Variants in CENPI observed in about 807,000 individuals in gnomAD.
CENPI encodes centromere protein I, also known as FSH primary response 1.
In CENPI, 4 loss-of-function variants were observed where a neutral mutation model predicts 60.4. The ratio of observed to expected loss-of-function variants is 0.07; its 90% CI spans 0.03 to 0.15. CENPI has a LOEUF of 0.15. Ranked by LOEUF, CENPI falls within the 10% of genes least tolerant of loss-of-function variation. The pLI is 1.00. For synonymous variants in CENPI, 157 were observed against 189.4 expected, an observed-to-expected ratio of 0.83 and a Z score of 1.40; for missense variants, 444 against 534.5, an observed-to-expected ratio of 0.83 and a Z score of 1.67.
At chrX:101,115,013 G>A (rs1244387692) in intron 6 of CENPI, among the ~76,000 whole-genome samples, 1 of 108,827 alleles carries the variant, frequency 9.2e-6, no homozygotes, top group Non-Finnish European at 1.9e-5. Context: ...ACCCAGGCTG[G>A]AGTGCAATGA....
At chrX:101,168,416 A>G (rs12014299), downstream of CENPI, among the ~76,000 whole-genome samples, 13,800 of 111,260 alleles carry the variant, frequency 0.12, 646 homozygotes, top group African/African-American at 0.14. Context: ...AAATGCAAAA[A>G]TTAGCTGAGC....
At chrX:101,105,368 C>CA (rs1181832778) in intron 4 of CENPI, among the ~76,000 whole-genome samples, 12 of 110,484 alleles carry the variant, frequency 1.1e-4, no homozygotes, top group African/African-American at 3.6e-4. Context: ...CCTAAAAATA[C>CA]AAAAAATTAG....
At chrX:101,162,223 A>T (rs1432307397) in intron 21 of CENPI, among the ~76,000 whole-genome samples, 2 of 109,334 alleles carry the variant, frequency 1.8e-5, no homozygotes, top group Non-Finnish European at 3.8e-5. Flanking sequence ...TACAGATGTG[A>T]GCCCCCGCAC....
downstream of CENPI, among the ~76,000 whole-genome samples, chrX:101,166,345 G>A (rs1409823310): frequency 1.8e-5 from 2 of 111,812 alleles, no homozygotes; most frequent in African/African-American, 6.5e-5. Flanking sequence ...TGGTAGAGAT[G>A]GGGTTTCATC....
intron 15 of CENPI, among the ~76,000 whole-genome samples, chrX:101,135,703 C>T (rs2089839769): frequency 9.0e-6 from 1 of 111,583 alleles, no homozygotes; most frequent in Non-Finnish European, 1.9e-5. Context: ...AATAGAAGAT[C>T]CATTTGATTT....
intron 15 of CENPI, among the ~76,000 whole-genome samples, chrX:101,138,377 C>T (rs769763656): frequency 1.9e-5 from 2 of 106,736 alleles, no homozygotes; most frequent in East Asian, 5.9e-4. Context: ...CTCACTCTGT[C>T]GCCAGGATGG....
At position 101,158,662 on chromosome X, in the gene CENPI, G is replaced by A. The variant is rs189222371; in HGVS notation, c.2095-2866G>A. Among the ~76,000 whole-genome samples, 896 of 102,304 alleles carry A rather than the reference G, an allele frequency of 8.8e-3. 6 individuals are homozygous for A. Among genetic ancestry groups the A allele is most frequent in the African/African-American group, 0.031 (857 of 27,567 alleles). 88.8% of individuals were successfully genotyped at this position (102,304 alleles called of 115,157 possible). ...TTTTTTTTTTTTGAGACAGTGTCTC[G>A]CTCTGGCACCCATGCTGGAGTGCAG... On this transcript the variant is annotated intron_variant, in intron 20 of 21. Coordinates refer to ENST00000682095, the MANE Select transcript of CENPI (RefSeq NM_001386188.2).
Position 101,154,064 on chromosome X carries a change from C to T in CENPI, c.2094+5903C>T, listed in dbSNP as rs1290283696. 5.4e-5 allele frequency among the ~76,000 whole-genome samples: 6 copies of T among 111,680 alleles called. No individual in the cohort carries two copies. In the East Asian group the frequency reaches 1.7e-3, roughly 31 times the overall value. On this transcript the variant is annotated intron_variant, in intron 20 of 21. Transcript: ENST00000682095. ...GCACCCTTGTCTAAAATCAATGGAC[C>T]ATAGATGTATGGACTCTTAATTCTA...
intron 15 of CENPI, among the ~76,000 whole-genome samples, chrX:101,136,374 G>A (rs1055472688): frequency 2.7e-5 from 3 of 111,593 alleles, no homozygotes; most frequent in African/African-American, 9.8e-5. Flanking sequence ...CAATGAAAGA[G>A]GACAAGAAGC....
intron 16 of CENPI, 32 bp downstream of exon 16, chrX:101,140,792 G>A: frequency 2.0e-6 from 2 of 983,652 alleles, no homozygotes; most frequent in African/African-American, 1.9e-5. Flanking sequence ...CACAAGAGAC[G>A]ATCTGTATAC....
At chrX:101,121,076 C>A (rs2089673107) in intron 8 of CENPI, among the ~76,000 whole-genome samples, 1 of 110,147 alleles carries the variant, frequency 9.1e-6, no homozygotes, top group Non-Finnish European at 1.9e-5. Flanking sequence ...AGGGTTTCAC[C>A]ATGTTGGCCA....
At chrX:101,170,474 T>C (rs1294354790), downstream of CENPI, among the ~76,000 whole-genome samples, 1 of 112,023 alleles carries the variant, frequency 8.9e-6, no homozygotes. Flanking sequence ...CAAGGTTGAT[T>C]TAACATCCAA....
At chrX:101,119,774 T>C (rs1393436027) in intron 6 of CENPI, among the ~76,000 whole-genome samples, 1 of 112,283 alleles carries the variant, frequency 8.9e-6, no homozygotes, top group East Asian at 2.8e-4. Context: ...ATATGAAGCA[T>C]CATTGAAAAT....
chrX:101,104,670 G>A (rs10127149), intron 4 of CENPI, among the ~76,000 whole-genome samples: 5,802 of 104,623 alleles, frequency 0.055, 429 homozygotes, highest in African/African-American at 0.19. Context: ...ACCAGCCTGG[G>A]CAACAAAGCG....
intron 6 of CENPI, 87 bp downstream of exon 6, chrX:101,110,085 CA>C: frequency 2.2e-6 from 1 of 459,824 alleles, no homozygotes; most frequent in South Asian, 5.4e-5. Context: ...GTGTGCTACA[CA>C]ATATGTTTTT....
chrX:101,116,322 AGCTATCGTTAGTGTATTTTATGTGTG>A (rs1340669206), intron 6 of CENPI, among the ~76,000 whole-genome samples: 1 of 109,643 alleles, frequency 9.1e-6, no homozygotes, highest in Non-Finnish European at 1.9e-5. Flanking sequence ...TAAGCTCATC[AGCTATCGTTAGTGTATTTTATGTGTG>A]GCTCAAGACA....
At chrX:101,162,706 C>A in intron 21 of CENPI, 127 bp from the exon 22 acceptor site, 1 of 675,226 alleles carries the variant, frequency 1.5e-6, no homozygotes, top group Non-Finnish European at 2.3e-6. Context: ...GAGCTCATTT[C>A]CCCCCCGAAC....
rs763363978 is a variant in CENPI, at chrX:101,098,248, G to C, written c.-110G>C. 5.8e-3 allele frequency: 659 copies of C among 113,272 alleles called. 3 individuals are homozygous for C. Among genetic ancestry groups the C allele is most frequent in the Middle Eastern group, 9.2e-3 (2 of 218 alleles). The allele number at this position is 113,272 out of a possible 1,213,427, so 9.3% of individuals were successfully genotyped here. A position where few individuals can be genotyped will look rare whatever the true frequency, so the allele number is the denominator to read the frequency against. On this transcript the variant is annotated splice_region_variant and 5_prime_UTR_variant, in exon 1 of 22. Coordinates refer to ENST00000682095, the MANE Select transcript of CENPI (RefSeq NM_001386188.2). ...GTGCGGCTGCAGGTAGAGTGTCTTA[G>C]GTGAGGAGGTACTTTTAAGCACCGC...
chrX:101,127,439 T>C (rs1414564907), intron 10 of CENPI, 59 bp from the exon 11 acceptor site: 37 of 1,021,585 alleles, frequency 3.6e-5, no homozygotes, highest in Non-Finnish European at 4.1e-5. Flanking sequence ...GTTGCTTTTA[T>C]ATTTGTGGTT....
Sources: gnomAD v4.1 joint callset for allele counts (sites outside exome capture counted in the v4.1 genomes callset) on GRCh38, gnomAD v4.1.1 for gene constraint, MANE v1.5 for transcripts, NCBI Gene and HGNC (gene_info 2026-07-23, HGNC 2026-07-21) for gene names.